THRB: variants seen among roughly 807,000 people sequenced by gnomAD.
The protein encoded by THRB is thyroid hormone receptor beta, also known as nuclear receptor subfamily 1 group A member 2.
Under a neutral mutation model 47.8 loss-of-function variants are expected in THRB, and 12 were observed. That is an observed-to-expected ratio of 0.25 (90% CI 0.16 to 0.41). The LOEUF is 0.41. THRB is among the 10% of genes least tolerant of loss of function. The pLI, the probability that THRB is intolerant of heterozygous loss-of-function variation, is 1.00. For missense variants in THRB, 348 were observed against 589.2 expected (o/e 0.59, Z 4.24); for synonymous variants, 218 against 212.2 (o/e 1.03, Z -0.24).
At chr3:24,138,429 T>C (rs777855139) in intron 8 of THRB, among the ~76,000 whole-genome samples, 2 of 152,196 alleles carry the variant, frequency 1.3e-5, no homozygotes, top group Non-Finnish European at 2.9e-5. Flanking sequence ...ATAGTGCATG[T>C]AGTAACCACT....
chr3:24,492,518 T>G (rs536701055), intron 1 of THRB, among the ~76,000 whole-genome samples: 11 of 152,266 alleles, frequency 7.2e-5, no homozygotes, highest in African/African-American at 2.6e-4. Flanking sequence ...TCACCTTTAC[T>G]CTGATTTCCA....
At chr3:24,229,660 G>C (rs1382143364) in intron 3 of THRB, among the ~76,000 whole-genome samples, 1 of 152,196 alleles carries the variant, frequency 6.6e-6, no homozygotes, top group Non-Finnish European at 1.5e-5. Context: ...GGCCAGAGGT[G>C]CACTGACCCA....
chr3:24,317,148 C>T (rs191127399), intron 2 of THRB, among the ~76,000 whole-genome samples: 8 of 152,196 alleles, frequency 5.3e-5, no homozygotes, highest in South Asian at 4.2e-4. Context: ...AAAAAGAAGC[C>T]GCATAGTATG....
intron 1 of THRB, among the ~76,000 whole-genome samples, chr3:24,342,556 T>G (rs144103912): frequency 1.1e-4 from 17 of 152,228 alleles, no homozygotes; most frequent in African/African-American, 3.9e-4. Flanking sequence ...CCCTGGCTTC[T>G]CCCTTCCTTC....
At chr3:24,281,803 G>C (rs1297568568) in intron 3 of THRB, among the ~76,000 whole-genome samples, 1 of 150,196 alleles carries the variant, frequency 6.7e-6, no homozygotes, top group Non-Finnish European at 1.5e-5. Context: ...TGATAAAACA[G>C]ACTTTAAACC....
intron 10 of THRB, among the ~76,000 whole-genome samples, chr3:24,123,876 A>G (rs1458538983): frequency 6.6e-6 from 1 of 152,166 alleles, no homozygotes; most frequent in Admixed American, 6.5e-5. Context: ...TGTGCAGACT[A>G]CTGGGCTTCC....
chr3:24,194,159 T>C (rs2043688568), intron 4 of THRB, among the ~76,000 whole-genome samples: 1 of 152,140 alleles, frequency 6.6e-6, no homozygotes, highest in Admixed American at 6.6e-5. Flanking sequence ...AGACTACACA[T>C]TGGGTACAGT....
intron 1 of THRB, among the ~76,000 whole-genome samples, chr3:24,379,931 C>T (rs1003418701): frequency 6.6e-6 from 1 of 151,574 alleles, no homozygotes; most frequent in Non-Finnish European, 1.5e-5. Context: ...TTCATTCCTC[C>T]CTCCTCTCCT....
intron 3 of THRB, among the ~76,000 whole-genome samples, chr3:24,259,619 C>CT (rs1559757815): frequency 1.7e-4 from 9 of 52,468 alleles, no homozygotes; most frequent in African/African-American, 6.2e-4. Context: ...GCTCTGCTTA[C>CT]CTTTTTTTTT....
At chr3:24,243,990 T>A (rs2049855038) in intron 3 of THRB, among the ~76,000 whole-genome samples, 1 of 152,032 alleles carries the variant, frequency 6.6e-6, no homozygotes, top group African/African-American at 2.4e-5. Context: ...ATTCTAATTA[T>A]GAGGAGTTGC....
chr3:24,199,823 G>A (rs1402557997), intron 4 of THRB, among the ~76,000 whole-genome samples: 1 of 152,202 alleles, frequency 6.6e-6, no homozygotes, highest in East Asian at 1.9e-4. Context: ...AGACCATGGT[G>A]TAAATGTCAT....
At chr3:24,486,478 A>T (rs906269979) in intron 1 of THRB, 1 of 152,238 alleles carries the variant, frequency 6.6e-6, no homozygotes, top group Non-Finnish European at 1.5e-5. Context: ...ATTACTTATT[A>T]TAAGGCTTGA....
chr3:24,199,267 T>C (rs758267058), intron 4 of THRB, among the ~76,000 whole-genome samples: 1 of 152,222 alleles, frequency 6.6e-6, no homozygotes, highest in South Asian at 2.1e-4. Context: ...TCCGGTTACA[T>C]AAACTATGCC....
At chr3:24,315,420 A>G (rs1425721261) in intron 2 of THRB, among the ~76,000 whole-genome samples, 1 of 152,124 alleles carries the variant, frequency 6.6e-6, no homozygotes. Flanking sequence ...TCCCAATTAT[A>G]TGTTCTTGAA....
chr3:24,374,980 T>C (rs1299071088), intron 1 of THRB, among the ~76,000 whole-genome samples: 1 of 152,126 alleles, frequency 6.6e-6, no homozygotes, highest in Non-Finnish European at 1.5e-5. Context: ...CTTAAAATAG[T>C]CTATTGTTCT....
At chr3:24,355,805 G>A (rs1393424471) in intron 1 of THRB, among the ~76,000 whole-genome samples, 1 of 152,132 alleles carries the variant, frequency 6.6e-6, no homozygotes, top group East Asian at 1.9e-4. Flanking sequence ...TGTGGGTCTG[G>A]AGGAGTTTCT....
At chr3:24,212,780 A>G (rs2046193569) in intron 4 of THRB, among the ~76,000 whole-genome samples, 1 of 152,106 alleles carries the variant, frequency 6.6e-6, no homozygotes, top group South Asian at 2.1e-4. Flanking sequence ...AGCTGGGTGA[A>G]GGTAAATAGC....
chr3:24,344,098 G>T (rs760556451), intron 1 of THRB, among the ~76,000 whole-genome samples: 13 of 151,652 alleles, frequency 8.6e-5, no homozygotes, highest in Non-Finnish European at 1.6e-4. Flanking sequence ...TGAATTAGGA[G>T]GGAAAACTGT....
At chr3:24,375,260 A>C (rs962875428) in intron 1 of THRB, among the ~76,000 whole-genome samples, 2 of 150,152 alleles carry the variant, frequency 1.3e-5, no homozygotes, top group East Asian at 1.9e-4. Context: ...GTAACAAAAC[A>C]CTTCATGTTC....
Sources: gnomAD v4.1 joint callset for allele counts (sites outside exome capture counted in the v4.1 genomes callset) on GRCh38, gnomAD v4.1.1 for gene constraint, MANE v1.5 for transcripts, NCBI Gene and HGNC (gene_info 2026-07-23, HGNC 2026-07-21) for gene names.